SLC35F3: variants seen among roughly 807,000 people sequenced by gnomAD.
The protein encoded by SLC35F3 is solute carrier family 35 member F3, also known as putative thiamine transporter SLC35F3.
Under a neutral mutation model 49.9 loss-of-function variants are expected in SLC35F3, and 25 were observed. That is an observed-to-expected ratio of 0.50 (90% CI 0.37 to 0.70). The LOEUF (loss-of-function observed/expected upper bound fraction) is 0.70. SLC35F3 is among the 30% of genes least tolerant of loss of function. SLC35F3 has a pLI of 0.00. For missense variants in SLC35F3, 525 were observed against 639.8 expected, an observed-to-expected ratio of 0.82 and a Z score of 1.94; for synonymous variants, 275 against 265.4, an observed-to-expected ratio of 1.04 and a Z score of -0.35.
At chr1:233,939,037 T>C (rs2102797882) in intron 2 of SLC35F3, among the ~76,000 whole-genome samples, 1 of 152,314 alleles carries the variant, frequency 6.6e-6, no homozygotes, top group South Asian at 2.1e-4. Context: ...TCCCAATCCT[T>C]GTTATGATGC....
intron 2 of SLC35F3, among the ~76,000 whole-genome samples, chr1:233,924,474 T>A (rs943165912): frequency 1.3e-5 from 2 of 152,244 alleles, no homozygotes; most frequent in African/African-American, 4.8e-5. Context: ...TGTATTTCTG[T>A]GGGATCGGTG....
At chr1:234,236,059 T>A (rs75916163) in intron 3 of SLC35F3, among the ~76,000 whole-genome samples, 2,075 of 151,554 alleles carry the variant, frequency 0.014, 47 homozygotes, top group African/African-American at 0.048. Flanking sequence ...AGGGTGGGGG[T>A]GCATGCAAGG....
At chr1:234,208,661 G>C (rs767526165) in intron 2 of SLC35F3, among the ~76,000 whole-genome samples, 33 of 152,156 alleles carry the variant, frequency 2.2e-4, no homozygotes, top group Non-Finnish European at 4.4e-4. Flanking sequence ...GGAGTTGGGA[G>C]GAGGCAGGGA....
chr1:233,942,959 C>T (rs76989350), intron 2 of SLC35F3, among the ~76,000 whole-genome samples: 330 of 152,306 alleles, frequency 2.2e-3, no homozygotes, highest in African/African-American at 7.7e-3. Flanking sequence ...CAGTATTTGT[C>T]GTTTTATGAC....
intron 2 of SLC35F3, among the ~76,000 whole-genome samples, chr1:233,984,451 C>G (rs548707942): frequency 2.0e-5 from 3 of 152,206 alleles, no homozygotes; most frequent in Non-Finnish European, 4.4e-5. Flanking sequence ...GAGTTTTTAA[C>G]GGGATGGGTA....
At chr1:233,931,573 C>T (rs146031710) in intron 2 of SLC35F3, among the ~76,000 whole-genome samples, 11,840 of 152,192 alleles carry the variant, frequency 0.078, 566 homozygotes, top group East Asian at 0.14. Flanking sequence ...TAGAGAAATG[C>T]AAATCAAAAC....
chr1:233,965,165 C>G (rs757269610), intron 2 of SLC35F3, among the ~76,000 whole-genome samples: 9 of 152,166 alleles, frequency 5.9e-5, no homozygotes, highest in Non-Finnish European at 1.2e-4. Flanking sequence ...AAGCAATTCT[C>G]TAAGGGTTGA....
At chr1:234,229,536 T>A (rs768619638) in intron 2 of SLC35F3, among the ~76,000 whole-genome samples, 2 of 152,260 alleles carry the variant, frequency 1.3e-5, no homozygotes, top group Non-Finnish European at 2.9e-5. Context: ...TTTGCTATAA[T>A]GAAAACATTC....
intron 2 of SLC35F3, among the ~76,000 whole-genome samples, chr1:234,195,025 C>G (rs1428885077): frequency 2.6e-5 from 4 of 152,202 alleles, no homozygotes; most frequent in Admixed American, 2.0e-4. Context: ...CCCCAAGACA[C>G]TTCTTTCTGA....
At chr1:234,155,423 T>A (rs956208400) in intron 2 of SLC35F3, among the ~76,000 whole-genome samples, 6 of 112,802 alleles carry the variant, frequency 5.3e-5, no homozygotes, top group East Asian at 1.2e-3. Flanking sequence ...TATTATTATT[T>A]TTGAGAGACA....
At chr1:234,076,037 T>G (rs935590560) in intron 2 of SLC35F3, among the ~76,000 whole-genome samples, 4 of 152,218 alleles carry the variant, frequency 2.6e-5, no homozygotes, top group Non-Finnish European at 4.4e-5. Context: ...GTTATTTTCT[T>G]CTGGGTATGT....
rs1221261335 is a variant in SLC35F3 at position 233,970,127 on chromosome 1, G to A, written c.283+64369G>A. 3.3e-5 allele frequency among the ~76,000 whole-genome samples: 5 copies of A among 152,198 alleles called. No homozygotes were observed. In the East Asian group the frequency reaches 9.6e-4, roughly 29 times the overall value. Reference sequence around the variant, plus strand: ...AGGAGATGATGGGCAAGCACTGGTGGCCTCTGCCACAGCCTGACCCAGCCT... The same window carrying A: ...AGGAGATGATGGGCAAGCACTGGTGACCTCTGCCACAGCCTGACCCAGCCT... On this transcript the variant is annotated intron_variant, in intron 2 of 7. Transcript: ENST00000366618.
At chr1:234,154,072 AC>A (rs1290142253) in intron 2 of SLC35F3, among the ~76,000 whole-genome samples, 1 of 151,322 alleles carries the variant, frequency 6.6e-6, no homozygotes, top group Non-Finnish European at 1.5e-5. Flanking sequence ...AAAAAAAAAA[AC>A]AAAAAACAAA....
At chr1:234,097,065 T>C (rs1423788663) in intron 2 of SLC35F3, among the ~76,000 whole-genome samples, 1 of 152,000 alleles carries the variant, frequency 6.6e-6, no homozygotes. Context: ...AATTTTGCAT[T>C]TTTAGTAGAG....
intron 3 of SLC35F3, among the ~76,000 whole-genome samples, chr1:234,266,186 G>A (rs996996037): frequency 3.9e-5 from 6 of 152,288 alleles, no homozygotes; most frequent in Middle Eastern, 3.4e-3. Context: ...AGTGCCTGGT[G>A]TAGAATGAGC....
chr1:234,035,141 G>A (rs1458587), intron 2 of SLC35F3, among the ~76,000 whole-genome samples: 35,867 of 152,048 alleles, frequency 0.24, 8,565 homozygotes, highest in African/African-American at 0.6. Context: ...TTCTGGGATT[G>A]TTCCCTTATT....
chr1:234,135,086 T>C (rs1665790085), intron 2 of SLC35F3, among the ~76,000 whole-genome samples: 1 of 152,108 alleles, frequency 6.6e-6, no homozygotes, highest in Non-Finnish European at 1.5e-5. Context: ...GGACATGCAT[T>C]TAAACAGGCT....
At chr1:234,254,045 G>T (rs1667779802) in intron 3 of SLC35F3, among the ~76,000 whole-genome samples, 1 of 152,204 alleles carries the variant, frequency 6.6e-6, no homozygotes. Flanking sequence ...ACCAGGCAAA[G>T]GCTGCCCTCC....
At chr1:234,313,879 A>G (rs1174892885) in intron 4 of SLC35F3, among the ~76,000 whole-genome samples, 3 of 152,254 alleles carry the variant, frequency 2.0e-5, no homozygotes, top group African/African-American at 7.2e-5. Context: ...ATACTTTTTA[A>G]AAGATAGAAC....
Sources: gnomAD v4.1 joint callset for allele counts (sites outside exome capture counted in the v4.1 genomes callset) on GRCh38, gnomAD v4.1.1 for gene constraint, MANE v1.5 for transcripts, NCBI Gene and HGNC (gene_info 2026-07-23, HGNC 2026-07-21) for gene names.